EPHA5: variants seen among roughly 807,000 people sequenced by gnomAD.
EPHA5 encodes EPH receptor A5.
EPHA5 carries 60 observed loss-of-function variants against 105.0 expected under a neutral mutation model. The observed-to-expected ratio is 0.57, with a 90% CI of 0.46 to 0.71. The LOEUF (loss-of-function observed/expected upper bound fraction) is 0.71, where lower values mean the gene tolerates loss of function less well. Among genes scored for constraint, EPHA5 ranks in the 30% least tolerant of loss-of-function variants. The probability of loss-of-function intolerance (pLI) is 0.00; values close to 1 mark genes in which losing one functional copy is unlikely to be tolerated. For missense variants in EPHA5, 1,218 were observed against 1,274.7 expected (o/e 0.96, Z 0.68); for synonymous variants, 513 against 449.1 (o/e 1.14, Z -1.80).
chr4:65,458,937 T>G (rs1727868505), intron 5 of EPHA5, among the ~76,000 whole-genome samples: 1 of 152,090 alleles, frequency 6.6e-6, no homozygotes, highest in Admixed American at 6.5e-5. Context: ...TCAAAATATC[T>G]TTCTCTTTTA....
At position 65,490,727 on chromosome 4, in the gene EPHA5, AAAGT is replaced by A. The variant is rs2149214820; in HGVS notation, c.1067-19_1067-16del. On this transcript the variant is annotated splice_polypyrimidine_tract_variant and intron_variant, in intron 4 of 16. Transcript: ENST00000613740. ...AGAGGGGGGTCCTGGTTTACAAAGTAAAGTAAGAAAAACATATTTTAAGATGGTA... is the reference window on the plus strand; with the variant it reads ...AGAGGGGGGTCCTGGTTTACAAAGTAAAGAAAAACATATTTTAAGATGGTA... 6.2e-7 allele frequency: 1 copy of A among 1,606,588 alleles called. No homozygotes were observed. Among genetic ancestry groups the A allele is most frequent in the Non-Finnish European group, 8.5e-7 (1 of 1,174,714 alleles).
intron 5 of EPHA5, among the ~76,000 whole-genome samples, chr4:65,435,031 A>C (rs913474926): frequency 3.9e-5 from 6 of 152,144 alleles, no homozygotes; most frequent in African/African-American, 1.4e-4. Context: ...CTCTATGTGC[A>C]AATTATGGTA....
chr4:65,363,654 C>T (rs1168452030), intron 11 of EPHA5, among the ~76,000 whole-genome samples: 1 of 151,486 alleles, frequency 6.6e-6, no homozygotes, highest in African/African-American at 2.4e-5. Context: ...TATTTGCTTA[C>T]TATTATTACT....
intron 3 of EPHA5, among the ~76,000 whole-genome samples, chr4:65,583,341 A>G (rs897723040): frequency 1.3e-5 from 2 of 151,938 alleles, no homozygotes; most frequent in Middle Eastern, 3.4e-3. Flanking sequence ...AAAATAAGCA[A>G]TAACAATCTA....
chr4:65,471,249 A>G (rs952355042), intron 5 of EPHA5, among the ~76,000 whole-genome samples: 1 of 152,208 alleles, frequency 6.6e-6, no homozygotes, highest in African/African-American at 2.4e-5. Flanking sequence ...CTCATAAACA[A>G]GGGCATATCT....
intron 8 of EPHA5, among the ~76,000 whole-genome samples, chr4:65,390,573 T>C (rs544470239): frequency 6.6e-6 from 1 of 152,146 alleles, no homozygotes; most frequent in South Asian, 2.1e-4. Flanking sequence ...ATCAGTTAGA[T>C]GAACACAGGG....
rs1722396274 is a variant in EPHA5, at chr4:65,348,112, A to T, written c.2537T>A (p.Val846Glu). Residue 846 changes from valine (V) to glutamate (E), a missense_variant, in exon 14 of 17, where the codon GTA (valine) becomes GAA (glutamate). Val to Glu is a moderately radical substitution (Grantham distance 121, BLOSUM62 -2). Coordinates refer to ENST00000613740, the MANE Select transcript of EPHA5 (RefSeq NM_001281766.3). ...SASDVWSYGI[V>E]MWEVVSYGER... Reference sequence around the variant, plus strand: ...TCCATAAGACACAACTTCCCACATTACTATTCCATAACTCCAGACATCACT... The same window carrying T: ...TCCATAAGACACAACTTCCCACATTTCTATTCCATAACTCCAGACATCACT... 1.9e-6 allele frequency: 3 copies of T among 1,613,518 alleles called. No individual in the cohort carries two copies. The highest frequency in any genetic ancestry group is 2.5e-6 in the Non-Finnish European group (3 of 1,179,704).
intron 5 of EPHA5, among the ~76,000 whole-genome samples, chr4:65,435,476 A>G (rs12330941): frequency 0.97 from 147,270 of 152,232 alleles, 71,461 homozygotes; most frequent in East Asian, 1. Context: ...AAGCTTTGAT[A>G]CTGATTCTCA....
At chr4:65,668,458 A>G (rs1750148982) in intron 1 of EPHA5, among the ~76,000 whole-genome samples, 3 of 152,102 alleles carry the variant, frequency 2.0e-5, no homozygotes, top group Admixed American at 2.0e-4. Context: ...TTCATGGTGG[A>G]GCTGACAGAT....
intron 5 of EPHA5, among the ~76,000 whole-genome samples, chr4:65,425,399 T>C (rs1724334735): frequency 6.6e-6 from 1 of 152,010 alleles, no homozygotes; most frequent in African/African-American, 2.4e-5. Flanking sequence ...ATGAAGCAGG[T>C]CTTATTAATG....
chr4:65,391,620 A>G (rs1720723793), intron 8 of EPHA5, among the ~76,000 whole-genome samples: 1 of 152,204 alleles, frequency 6.6e-6, no homozygotes, highest in Admixed American at 6.6e-5. Flanking sequence ...GGTTCCTGTG[A>G]AAGGCTGTGT....
chr4:65,498,449 T>C (rs772221102), intron 3 of EPHA5, among the ~76,000 whole-genome samples: 14 of 151,872 alleles, frequency 9.2e-5, no homozygotes, highest in Non-Finnish European at 4.4e-5. Context: ...TATGAGATCA[T>C]TACACAGCAG....
chr4:65,335,862 T>A lies in EPHA5; in HGVS notation c.2789+70A>T, dbSNP rs897424758. 28 of 1,437,078 alleles carry A rather than the reference T, an allele frequency of 1.9e-5. No homozygotes were observed. In the African/African-American group the frequency reaches 3.9e-4, roughly 20 times the overall value. 89.0% of individuals were successfully genotyped at this position (1,437,078 alleles called of 1,614,324 possible). On this transcript the variant is annotated intron_variant, in intron 15 of 16. Coordinates refer to ENST00000613740, the MANE Select transcript of EPHA5 (RefSeq NM_001281766.3). ...AATGTCTATACGAGAATGATTTAAT[T>A]GATAAAATATTTGTGACATCAATCT... is the stretch of plus-strand genomic sequence containing the variant.
chr4:65,331,894 C>G (rs1720652701), intron 16 of EPHA5, 79 bp downstream of exon 16: 1 of 1,521,612 alleles, frequency 6.6e-7, no homozygotes, highest in Admixed American at 2.1e-5. Context: ...ACTGATTTCC[C>G]TTACCTCATC....
At chr4:65,388,703 T>G (rs990597173) in intron 8 of EPHA5, among the ~76,000 whole-genome samples, 3 of 147,410 alleles carry the variant, frequency 2.0e-5, no homozygotes, top group Non-Finnish European at 4.5e-5. Flanking sequence ...CATTGTAGAT[T>G]CTGGATATTA....
chr4:65,331,892 C>G (rs1720652453), intron 16 of EPHA5, 81 bp downstream of exon 16: 4 of 1,519,612 alleles, frequency 2.6e-6, no homozygotes, highest in Non-Finnish European at 3.5e-6. Context: ...TAACTGATTT[C>G]CCTTACCTCA....
At chr4:65,340,250 T>C (rs1721583362) in intron 14 of EPHA5, among the ~76,000 whole-genome samples, 1 of 152,128 alleles carries the variant, frequency 6.6e-6, no homozygotes, top group South Asian at 2.1e-4. Flanking sequence ...GAGATAAGAT[T>C]CTGAAAGTAT....
At chr4:65,639,259 C>T (rs1025090730) in intron 2 of EPHA5, among the ~76,000 whole-genome samples, 2 of 152,100 alleles carry the variant, frequency 1.3e-5, no homozygotes, top group Admixed American at 1.3e-4. Flanking sequence ...GTTATATTTC[C>T]AGTAGTAAAA....
intron 5 of EPHA5, among the ~76,000 whole-genome samples, chr4:65,465,487 GA>G (rs1487445874): frequency 2.2e-4 from 18 of 83,478 alleles, no homozygotes; most frequent in East Asian, 1.6e-3. Context: ...AAGAAAGAAA[GA>G]AAGAAAGAAA....
Sources: allele counts gnomAD v4.1 joint callset (sites outside exome capture counted in the v4.1 genomes callset), GRCh38; gene constraint gnomAD v4.1.1; transcripts MANE v1.5; gene names NCBI Gene and HGNC (gene_info 2026-07-23, HGNC 2026-07-21).